The following GTF3C2 variants were observed in gnomAD, a reference collection of about 807,000 sequenced individuals.
GTF3C2 encodes the protein general transcription factor 3C polypeptide 2.
A neutral mutation model predicts 117.4 loss-of-function variants in GTF3C2; 17 were observed. The ratio of observed to expected loss-of-function variants is 0.14; its 90% CI spans 0.10 to 0.22. The LOEUF (loss-of-function observed/expected upper bound fraction) is 0.22. GTF3C2 is among the 10% of genes least tolerant of loss of function. GTF3C2 has a pLI of 1.00. For synonymous variants in GTF3C2, 437 were observed against 427.0 expected (o/e 1.02, Z -0.29); for missense variants, 888 against 1,143.6 (o/e 0.78, Z 3.22).
rs1218636109 is a variant in GTF3C2, at chr2:27,328,829, G to GA, written c.2127+14dup. 6.3e-7 allele frequency: 1 copy of GA among 1,593,380 alleles called. No homozygotes were observed. Among genetic ancestry groups the GA allele is most frequent in the African/African-American group, 1.3e-5 (1 of 74,452 alleles). On this transcript the variant is annotated intron_variant, in intron 15 of 18. Transcript: ENST00000264720. ...TTCCTTTGTAATGAAGACTGCAAAA[G>GA]AAAGGGGGGCTCACCCAAACGGTGC...
chr2:27,327,068 A>G, intron 18 of GTF3C2, 109 bp downstream of exon 18: 1 of 677,406 alleles, frequency 1.5e-6, no homozygotes, highest in Non-Finnish European at 2.6e-6. Context: ...CATGCTCTGG[A>G]GGAGGAGGAG....
intron 12 of GTF3C2, among the ~76,000 whole-genome samples, chr2:27,333,010 G>A (rs1014045644): frequency 2.6e-5 from 4 of 151,772 alleles, no homozygotes; most frequent in African/African-American, 7.3e-5. Flanking sequence ...CACTGCACCC[G>A]GCAAAATTTT....
At chr2:27,337,459 C>G in intron 6 of GTF3C2, 22 bp downstream of exon 6, 5 of 1,574,652 alleles carry the variant, frequency 3.2e-6, no homozygotes, top group Non-Finnish European at 4.4e-6. Context: ...TCCTAAGCTA[C>G]AGAGATGTTG....
Position 27,337,360 on chromosome 2 carries a change from G to T in GTF3C2, c.1029-18C>A, listed in dbSNP as rs749594910. ...CGGCCTCACTGGGGGAAGACAAAGG[G>T]AACAGTCTAAATTTGGAAGTGTTTC... On this transcript the variant is annotated intron_variant, in intron 6 of 18. Transcript: ENST00000264720. 5 of 1,560,412 alleles carry T rather than the reference G, an allele frequency of 3.2e-6. No homozygotes were observed. The African/African-American group carries it at 5.4e-5, about 17-fold the overall frequency.
chr2:27,342,271 T>G (rs1381949084), intron 3 of GTF3C2, 38 bp from the exon 4 acceptor site: 1 of 1,554,174 alleles, frequency 6.4e-7, no homozygotes, highest in South Asian at 1.2e-5. Flanking sequence ...TTCTCACATA[T>G]GACTGAGAAC....
chr2:27,337,681 T>C (rs946783430), intron 5 of GTF3C2, 123 bp from the exon 6 acceptor site: 9 of 758,528 alleles, frequency 1.2e-5, no homozygotes, highest in Non-Finnish European at 1.2e-5. Flanking sequence ...AGTTGCTAGC[T>C]CCAATTAGCT....
At chr2:27,339,685 A>G (rs1680644938) in intron 4 of GTF3C2, 1 of 151,762 alleles carries the variant, frequency 6.6e-6, no homozygotes, top group African/African-American at 2.4e-5. Flanking sequence ...CTCAAACTCA[A>G]CATGTCAGAA....
exon 2 of GTF3C2, chr2:27,343,480 A>G (rs1429074214): frequency 2.5e-6 from 4 of 1,614,020 alleles, no homozygotes; most frequent in Non-Finnish European, 3.4e-6. Context: ...CTTGTCCAGG[A>G]GAGTCTACCA....
At chr2:27,355,079 T>C (rs947524396) in intron 1 of GTF3C2, among the ~76,000 whole-genome samples, 4 of 152,228 alleles carry the variant, frequency 2.6e-5, no homozygotes, top group Non-Finnish European at 5.9e-5. Context: ...ACCCATTTTA[T>C]CATACCGTTA....
At chr2:27,343,640 T>C in intron 1 of GTF3C2, 62 bp from the exon 2 acceptor site, 1 of 1,363,648 alleles carries the variant, frequency 7.3e-7, no homozygotes, top group Non-Finnish European at 1.0e-6. Context: ...CTCAGATTTT[T>C]ATTTCCCCAT....
At chr2:27,350,059 G>A (rs920122828) in intron 1 of GTF3C2, among the ~76,000 whole-genome samples, 4 of 152,192 alleles carry the variant, frequency 2.6e-5, no homozygotes, top group African/African-American at 9.6e-5. Context: ...TCATGACACA[G>A]AACAATAACT....
At chr2:27,333,521 T>C (rs1680351641) in intron 12 of GTF3C2, 134 bp downstream of exon 12, 3 of 621,212 alleles carry the variant, frequency 4.8e-6, no homozygotes, top group Non-Finnish European at 8.5e-6. Flanking sequence ...CTTTCTATTT[T>C]TTTTTTTTTA....
At chr2:27,350,570 T>G (rs1170581930) in intron 1 of GTF3C2, 1 of 903,790 alleles carries the variant, frequency 1.1e-6, no homozygotes, top group Non-Finnish European at 1.3e-6. Context: ...GAGGCCAAGG[T>G]GGGAGGATCG....
At chr2:27,343,193 C>A (rs1680797655) in intron 2 of GTF3C2, 46 bp from the exon 3 acceptor site, 2 of 1,509,282 alleles carry the variant, frequency 1.3e-6, no homozygotes, top group Non-Finnish European at 1.8e-6. Context: ...AGAACTCAAA[C>A]CTCTATGGAA....
exon 9 of GTF3C2, chr2:27,335,963 T>G: frequency 6.2e-7 from 1 of 1,613,876 alleles, no homozygotes; most frequent in Non-Finnish European, 8.5e-7. Flanking sequence ...GGGGCAGAAC[T>G]TGAGGTCCCA....
At chr2:27,327,624 CTTTT>C (rs918684500) in intron 17 of GTF3C2, among the ~76,000 whole-genome samples, 1 of 92,590 alleles carries the variant, frequency 1.1e-5, no homozygotes, top group Non-Finnish European at 2.0e-5. Flanking sequence ...ACGCCTGGCC[CTTTT>C]TTTTTTTTTT....
Position 27,329,299 on chromosome 2 carries a change from G to A in GTF3C2, c.1878-17C>T, listed in dbSNP as rs776853502. On this transcript the variant is annotated splice_polypyrimidine_tract_variant and intron_variant, in intron 13 of 18. Transcript: ENST00000264720. The surrounding 1 kb of genome is among the most constrained non-coding windows in gnomAD (Gnocchi z 4.5). ...AGGAAATGGCTGTAAAAAGACGGGA[G>A]AAGGTCAAATCCAAACAAATCCGGA... 3.7e-6 allele frequency: 6 copies of A among 1,614,148 alleles called. No individual in the cohort carries two copies. In the East Asian group the frequency reaches 1.1e-4, roughly 30 times the overall value.
chr2:27,333,391 G>A (rs976676072), intron 12 of GTF3C2, among the ~76,000 whole-genome samples: 2 of 151,734 alleles, frequency 1.3e-5, no homozygotes, highest in African/African-American at 4.8e-5. Flanking sequence ...CTGACCTCAA[G>A]AGATCTGCCT....
At chr2:27,338,526 CTTTT>C (rs1174343752) in intron 4 of GTF3C2, among the ~76,000 whole-genome samples, 34 of 152,222 alleles carry the variant, frequency 2.2e-4, no homozygotes, top group African/African-American at 4.1e-4. Context: ...TGACTACTGT[CTTTT>C]TGTTTTTTTG....
Sources: allele counts gnomAD v4.1 joint callset (sites outside exome capture counted in the v4.1 genomes callset), GRCh38; gene constraint gnomAD v4.1.1; non-coding constraint Gnocchi (gnomAD v3.1); transcripts MANE v1.5; gene names NCBI Gene and HGNC (gene_info 2026-07-23, HGNC 2026-07-21).